Variants in KAZN observed in about 807,000 individuals in gnomAD.
KAZN encodes kazrin.
In KAZN, 40 loss-of-function variants were observed where a neutral mutation model predicts 87.4. The observed-to-expected ratio is 0.46, with a 90% CI of 0.36 to 0.60. The LOEUF (loss-of-function observed/expected upper bound fraction) is 0.60, where lower values mean the gene tolerates loss of function less well. Ranked by LOEUF, KAZN falls within the 20% of genes least tolerant of loss-of-function variation. The probability of loss-of-function intolerance (pLI) is 0.00; values close to 1 mark genes in which losing one functional copy is unlikely to be tolerated. For synonymous variants in KAZN, 466 were observed against 458.3 expected, an observed-to-expected ratio of 1.02 and a Z score of -0.22; for missense variants, 898 against 1,073.9, an observed-to-expected ratio of 0.84 and a Z score of 2.29.
At chr1:14,947,809 G>A (rs1347470437) in intron 1 of KAZN, among the ~76,000 whole-genome samples, 1 of 152,244 alleles carries the variant, frequency 6.6e-6, no homozygotes, top group African/African-American at 2.4e-5. Context: ...ACCCAAATGG[G>A]AGCTGGAACC....
intron 2 of KAZN, among the ~76,000 whole-genome samples, chr1:14,386,796 A>G (rs1661944632): frequency 6.6e-6 from 1 of 151,780 alleles, no homozygotes; most frequent in African/African-American, 2.4e-5. Flanking sequence ...TGTGTCTTGG[A>G]GTTGCTCTTC....
intron 1 of KAZN, chr1:14,945,911 C>T (rs1419575325): frequency 1.0e-6 from 1 of 985,338 alleles, no homozygotes; most frequent in Non-Finnish European, 1.2e-6. Context: ...CAGGCATGCC[C>T]TGTGATGGCA....
chr1:14,644,003 T>A (rs935489742), intron 1 of KAZN, among the ~76,000 whole-genome samples: 2 of 57,564 alleles, frequency 3.5e-5, no homozygotes, highest in Non-Finnish European at 7.8e-5. Flanking sequence ...CTTTGCCCAC[T>A]TTTTTTTTTT....
At chr1:14,550,751 C>A (rs1167380577) in intron 2 of KAZN, among the ~76,000 whole-genome samples, 1 of 112,528 alleles carries the variant, frequency 8.9e-6, no homozygotes, top group South Asian at 5.0e-4. Flanking sequence ...CCCACCCCGC[C>A]ACCCCCTCTC....
chr1:14,713,797 A>AAAAAAAAGAAAG (rs1553215138), intron 1 of KAZN, among the ~76,000 whole-genome samples: 3 of 95,650 alleles, frequency 3.1e-5, no homozygotes, highest in African/African-American at 1.3e-4. Context: ...AAAAAAAAAA[A>AAAAAAAAGAAAG]AAAGAAAGAA....
In KAZN at chr1:14,997,212, T is replaced by TC. The variant is rs1667976904; in HGVS notation, c.418+36337_418+36338insC. ...CTTTTCTTTCTTTCTTTCATTTATT[T>TC]ATTTATTTATTTATTTATTTATTTA... On this transcript the variant is annotated intron_variant, in intron 2 of 14. Transcript: ENST00000376030. Among the ~76,000 whole-genome samples the TC allele has an allele frequency of 2.4e-3, 183 of 76,914 alleles. 1 individual carries two copies. The highest frequency in any genetic ancestry group is 0.016 in the African/African-American group (170 of 10,894). The allele number at this position is 76,914 out of a possible 152,430, so 50.5% of individuals were successfully genotyped here. A position where few individuals can be genotyped will look rare whatever the true frequency, so the allele number is the denominator to read the frequency against.
chr1:14,340,888 CTTTTT>C (rs3085672), intron 2 of KAZN, among the ~76,000 whole-genome samples: 2 of 103,172 alleles, frequency 1.9e-5, no homozygotes, highest in African/African-American at 4.0e-5. Context: ...ATGATTTTCC[CTTTTT>C]TTTTTTTTTT....
At chr1:13,913,284 A>G (rs181237596) in intron 1 of KAZN, among the ~76,000 whole-genome samples, 161 of 152,260 alleles carry the variant, frequency 1.1e-3, no homozygotes, top group Non-Finnish European at 1.2e-3. Context: ...ATAAACTAGC[A>G]GAACGTTCTG....
chr1:14,244,525 A>C (rs186590959), intron 2 of KAZN, among the ~76,000 whole-genome samples: 212 of 152,278 alleles, frequency 1.4e-3, no homozygotes, highest in African/African-American at 5.0e-3. Context: ...CTCTGGCCTC[A>C]AGGAGCTGAG....
At chr1:14,373,850 C>CT (rs551535832) in intron 2 of KAZN, among the ~76,000 whole-genome samples, 186 of 152,270 alleles carry the variant, frequency 1.2e-3, no homozygotes, top group Non-Finnish European at 2.0e-3. Flanking sequence ...TGCCTCTTCA[C>CT]TAAGTAAGAT....
intron 1 of KAZN, among the ~76,000 whole-genome samples, chr1:14,808,906 A>G (rs1015630439): frequency 6.6e-6 from 1 of 152,102 alleles, no homozygotes; most frequent in Non-Finnish European, 1.5e-5. Context: ...GCCTTCCCTC[A>G]TGGTCACAAA....
chr1:14,099,005 A>T (rs1440199017), intron 1 of KAZN, among the ~76,000 whole-genome samples: 1 of 152,022 alleles, frequency 6.6e-6, no homozygotes, highest in African/African-American at 2.4e-5. Flanking sequence ...TAGGGTTTGG[A>T]GCCTGGGCTA....
At chr1:14,356,977 C>T (rs1336217519) in intron 2 of KAZN, among the ~76,000 whole-genome samples, 1 of 152,022 alleles carries the variant, frequency 6.6e-6, no homozygotes, top group Non-Finnish European at 1.5e-5. Context: ...TCAATGGTGG[C>T]TTGATAGGGA....
intron 2 of KAZN, among the ~76,000 whole-genome samples, chr1:15,029,453 T>C (rs950436450): frequency 6.6e-6 from 1 of 152,044 alleles, no homozygotes; most frequent in African/African-American, 2.4e-5. Flanking sequence ...GCAGGAGGCA[T>C]AGCCTGCACC....
At chr1:14,295,744 A>G (rs1654063832) in intron 2 of KAZN, among the ~76,000 whole-genome samples, 1 of 152,192 alleles carries the variant, frequency 6.6e-6, no homozygotes, top group Non-Finnish European at 1.5e-5. Flanking sequence ...ATCTCAGCTC[A>G]CTTTCTCAGG....
Position 14,364,163 on chromosome 1 carries a change from T to C in KAZN, c.249+183571T>C, listed in dbSNP as rs1317526016. Among the ~76,000 whole-genome samples, 8 of 152,144 alleles carry C rather than the reference T, an allele frequency of 5.3e-5. No homozygotes were observed. The East Asian group carries it at 1.2e-3, about 22-fold the overall frequency. ...GGTCATGCCCCCGGCACTAACTGGTTGCACATGTACCTTTTGGGTCCTTCT... is the reference window on the plus strand; with the variant it reads ...GGTCATGCCCCCGGCACTAACTGGTCGCACATGTACCTTTTGGGTCCTTCT... On this transcript the variant is annotated intron_variant, in intron 2 of 16. Transcript: ENST00000636203.
At chr1:14,978,144 T>G (rs1665856410) in intron 2 of KAZN, among the ~76,000 whole-genome samples, 1 of 152,152 alleles carries the variant, frequency 6.6e-6, no homozygotes, top group Non-Finnish European at 1.5e-5. Flanking sequence ...CATTCCCAGC[T>G]GGGGCTGGTT....
chr1:14,004,278 G>A (rs1639942096), intron 1 of KAZN, among the ~76,000 whole-genome samples: 2 of 152,316 alleles, frequency 1.3e-5, no homozygotes, highest in Admixed American at 1.3e-4. Flanking sequence ...TGATAGTGGT[G>A]TAAATTGGTG....
intron 2 of KAZN, among the ~76,000 whole-genome samples, chr1:14,586,478 T>C (rs115923905): frequency 0.018 from 2,716 of 152,098 alleles, 37 homozygotes; most frequent in Middle Eastern, 0.041. Flanking sequence ...AGTGTCTTCA[T>C]CTGTAAAACA....
Sources: gnomAD v4.1 joint callset for allele counts (sites outside exome capture counted in the v4.1 genomes callset) on GRCh38, gnomAD v4.1.1 for gene constraint, MANE v1.5 for transcripts, NCBI Gene and HGNC (gene_info 2026-07-23, HGNC 2026-07-21) for gene names.